RALYL: variants seen among roughly 807,000 people sequenced by gnomAD.
The protein encoded by RALYL is RNA-binding Raly-like protein.
A neutral mutation model predicts 35.1 loss-of-function variants in RALYL; 29 were observed. The ratio of observed to expected loss-of-function variants is 0.83; its 90% CI spans 0.61 to 1.13. The LOEUF (loss-of-function observed/expected upper bound fraction) is 1.13. Ranked by LOEUF, RALYL falls within the 50% of genes most tolerant of loss-of-function variation. The pLI, the probability that RALYL is intolerant of heterozygous loss-of-function variation, is 0.00. For synonymous variants in RALYL, 120 were observed against 127.6 expected, an observed-to-expected ratio of 0.94 and a Z score of 0.40; for missense variants, 359 against 360.4, an observed-to-expected ratio of 1.00 and a Z score of 0.03.
chr8:84,290,178 C>A (rs1166183919), intron 1 of RALYL, among the ~76,000 whole-genome samples: 1 of 152,058 alleles, frequency 6.6e-6, no homozygotes, highest in African/African-American at 2.4e-5. Flanking sequence ...ATGTGGCATC[C>A]CAGCCTCTCT....
intron 1 of RALYL, among the ~76,000 whole-genome samples, chr8:84,447,592 A>G (rs1200731880): frequency 6.6e-6 from 1 of 152,008 alleles, no homozygotes; most frequent in Non-Finnish European, 1.5e-5. Context: ...TGGTTAACAC[A>G]CTTCCATCCA....
In RALYL at chr8:84,269,405, G is replaced by C. The variant is rs532940126; in HGVS notation, c.-24+84981G>C. ...GTCTCCTATTATGAATACAGATTAT[G>C]AATCAGAGGTAGAATTTTTATCTTG... On this transcript the variant is annotated intron_variant, in intron 1 of 8. Transcript: ENST00000521268. Among the ~76,000 whole-genome samples, 4 of 152,252 alleles carry C rather than the reference G, an allele frequency of 2.6e-5. No homozygotes were observed. In the East Asian group the frequency reaches 7.7e-4, roughly 29 times the overall value.
At chr8:84,281,276 A>G (rs1836493318) in intron 1 of RALYL, among the ~76,000 whole-genome samples, 1 of 152,158 alleles carries the variant, frequency 6.6e-6, no homozygotes, top group Non-Finnish European at 1.5e-5. Context: ...ACATGAACAA[A>G]CATGAGGTTA....
intron 1 of RALYL, among the ~76,000 whole-genome samples, chr8:84,234,129 C>A (rs1417658154): frequency 1.3e-5 from 2 of 152,060 alleles, no homozygotes; most frequent in African/African-American, 4.8e-5. Flanking sequence ...CCAGATAACT[C>A]CAATAATTTT....
intron 1 of RALYL, among the ~76,000 whole-genome samples, chr8:84,431,009 T>A (rs1049876346): frequency 6.6e-6 from 1 of 152,160 alleles, no homozygotes; most frequent in African/African-American, 2.4e-5. Context: ...TAAGAATTCT[T>A]CTTCTGTAAA....
chr8:84,382,510 T>G lies in RALYL; in HGVS notation c.-23-146789T>G, dbSNP rs138673852. Among the ~76,000 whole-genome samples, 275 of 151,904 alleles carry G rather than the reference T, an allele frequency of 1.8e-3. 1 individual carries two copies. Among genetic ancestry groups the G allele is most frequent in the Admixed American group, 3.9e-3 (60 of 15,218 alleles). On this transcript the variant is annotated intron_variant, in intron 1 of 8. Transcript: ENST00000521268. ...TTTGAAGAATTAACTAAAATTAACA[T>G]AATTTATTTATTCTGTTAGTGAATA...
chr8:84,624,975 CATTCATAG>C (rs1822413281), intron 2 of RALYL, among the ~76,000 whole-genome samples: 1 of 152,106 alleles, frequency 6.6e-6, no homozygotes, highest in Non-Finnish European at 1.5e-5. Flanking sequence ...TAGAGAAATG[CATTCATAG>C]ATAATTTGAA....
intron 3 of RALYL, among the ~76,000 whole-genome samples, chr8:84,804,012 C>T (rs1286122175): frequency 6.6e-6 from 1 of 152,082 alleles, no homozygotes; most frequent in African/African-American, 2.4e-5. Context: ...TAATTATTAT[C>T]TAGGAACTAT....
intron 7 of RALYL, among the ~76,000 whole-genome samples, chr8:84,875,896 A>G (rs991982002): frequency 2.6e-5 from 4 of 152,106 alleles, no homozygotes; most frequent in African/African-American, 9.7e-5. Context: ...TCTCACTCCT[A>G]ATTTACTATT....
chr8:84,879,238 G>T (rs1375870058), intron 7 of RALYL, among the ~76,000 whole-genome samples: 1 of 152,032 alleles, frequency 6.6e-6, no homozygotes, highest in Non-Finnish European at 1.5e-5. Flanking sequence ...ATAGCTACTG[G>T]GTGGGAAAGA....
intron 1 of RALYL, among the ~76,000 whole-genome samples, chr8:84,415,508 T>A (rs1428121398): frequency 1.3e-5 from 2 of 151,022 alleles, no homozygotes; most frequent in African/African-American, 4.9e-5. Context: ...AAAGTGCTGG[T>A]ATTACAGGCG....
At chr8:84,539,832 ACATATATATATATATATATATG>A (rs1379941584) in intron 2 of RALYL, among the ~76,000 whole-genome samples, 1,208 of 8,856 alleles carry the variant, frequency 0.14, 27 homozygotes, top group East Asian at 0.33. Context: ...GATCAAGTAT[ACATATATATATATATATATATG>A]TATATATATA....
intron 2 of RALYL, chr8:84,679,386 T>G: frequency 3.8e-6 from 1 of 266,216 alleles, no homozygotes; most frequent in African/African-American, 2.2e-5. Flanking sequence ...TCCAGAGAGA[T>G]TTGTTAACCT....
chr8:84,491,339 C>G (rs549101415), intron 1 of RALYL, among the ~76,000 whole-genome samples: 2 of 151,908 alleles, frequency 1.3e-5, no homozygotes, highest in Non-Finnish European at 2.9e-5. Flanking sequence ...TTTTCTTACT[C>G]TCTCTAATCT....
At chr8:84,862,208 T>G in intron 5 of RALYL, 88 bp from the exon 6 acceptor site, 2 of 1,118,472 alleles carry the variant, frequency 1.8e-6, no homozygotes, top group Non-Finnish European at 2.4e-6. Context: ...TGAAATTTTC[T>G]ACCAGGACAT....
chr8:84,302,660 A>C (rs1841033871), intron 1 of RALYL, among the ~76,000 whole-genome samples: 1 of 152,200 alleles, frequency 6.6e-6, no homozygotes, highest in Non-Finnish European at 1.5e-5. Context: ...TGTAGTAGGC[A>C]GAGGAGTGAG....
intron 1 of RALYL, among the ~76,000 whole-genome samples, chr8:84,378,859 TAC>T (rs2131574052): frequency 6.6e-6 from 1 of 152,088 alleles, no homozygotes; most frequent in South Asian, 2.1e-4. Flanking sequence ...CAAGAATTCA[TAC>T]AGTTTTCCTA....
chr8:84,623,182 G>A (rs1213522953), intron 2 of RALYL, among the ~76,000 whole-genome samples: 1 of 152,164 alleles, frequency 6.6e-6, no homozygotes, highest in South Asian at 2.1e-4. Context: ...GGGACATGCT[G>A]TTAGATTTGT....
Position 84,862,283 on chromosome 8 carries a change from G to C in RALYL, c.414-13G>C. The C allele has an allele frequency of 6.7e-7, 1 of 1,495,072 alleles. No homozygotes were observed. The highest frequency in any genetic ancestry group is 1.3e-5 in the South Asian group (1 of 74,090). 92.6% of individuals were successfully genotyped at this position (1,495,072 alleles called of 1,614,324 possible). A position where few individuals can be genotyped will look rare whatever the true frequency, so the allele number is the denominator to read the frequency against. On this transcript the variant is annotated splice_polypyrimidine_tract_variant and intron_variant, in intron 5 of 8. Coordinates refer to ENST00000521268, the MANE Select transcript of RALYL (RefSeq NM_173848.7). The stretch of plus-strand genomic sequence containing the variant: ...ATCAAACCAACTCTCAGTCCCATTT[G>C]TGTTTTGTAAAGGTTATTTGATTAC...
Sources: gnomAD v4.1 joint callset for allele counts (sites outside exome capture counted in the v4.1 genomes callset) on GRCh38, gnomAD v4.1.1 for gene constraint, MANE v1.5 for transcripts, NCBI Gene and HGNC (gene_info 2026-07-23, HGNC 2026-07-21) for gene names.